Variants in DTNA observed in about 807,000 individuals in gnomAD.
DTNA encodes dystrophin-related protein 3.
A neutral mutation model predicts 100.7 loss-of-function variants in DTNA; 43 were observed. That is an observed-to-expected ratio of 0.43 (90% CI 0.33 to 0.55). DTNA has a LOEUF of 0.55. DTNA is among the 20% of genes least tolerant of loss of function. The pLI is 0.04. For missense variants in DTNA, 798 were observed against 953.9 expected (o/e 0.84, Z 2.15); for synonymous variants, 349 against 347.9 (o/e 1.00, Z -0.04).
intron 17 of DTNA, among the ~76,000 whole-genome samples, chr18:34,872,890 A>C (rs948586857): frequency 2.6e-5 from 4 of 152,232 alleles, no homozygotes; most frequent in African/African-American, 9.6e-5. Flanking sequence ...TAGACTCAGC[A>C]TGGCAAACCC....
Position 34,890,422 on chromosome 18 carries a change from C to G in DTNA, c.*2688C>G. 6.5e-7 allele frequency: 1 copy of G among 1,536,086 alleles called. No homozygotes were observed. The highest frequency in any genetic ancestry group is 8.7e-7 in the Non-Finnish European group (1 of 1,146,888). ...TTCTTTCCTTGGCTCTCCAGATTTA[C>G]TTTTGGGGCCTGTTCTAAGTGCAAA... On this transcript the variant is annotated 3_prime_UTR_variant, in exon 23 of 23. Coordinates refer to ENST00000444659, the MANE Select transcript of DTNA (RefSeq NM_001386795.1).
chr18:34,835,442 A>G (rs552521618), intron 11 of DTNA, among the ~76,000 whole-genome samples: 4 of 152,350 alleles, frequency 2.6e-5, no homozygotes, highest in Non-Finnish European at 4.4e-5. Context: ...AGAGATGTAT[A>G]TATATAGAAT....
Position 34,867,909 on chromosome 18 carries a change from C to T in DTNA, c.1743+3847C>T, listed in dbSNP as rs919436815. On this transcript the variant is annotated intron_variant, in intron 17 of 22. Coordinates refer to ENST00000444659, the MANE Select transcript of DTNA (RefSeq NM_001386795.1). ...GTCGGTACCCAAGGACCAGGGCCCA[C>T]GTCACCCAGATGTCAGCAATACATC... 1.8e-5 allele frequency: 18 copies of T among 985,428 alleles called. No homozygotes were observed. The African/African-American group carries it at 2.6e-4, about 14-fold the overall frequency. The allele number at this position is 985,428 out of a possible 1,614,324, so 61.0% of individuals were successfully genotyped here.
intron 13 of DTNA, among the ~76,000 whole-genome samples, chr18:34,843,195 G>A (rs1246862929): frequency 6.6e-6 from 1 of 152,098 alleles, no homozygotes; most frequent in Non-Finnish European, 1.5e-5. Flanking sequence ...TGAACATTTA[G>A]TATAGGAGTA....
chr18:34,640,189 A>G (rs1184855325), intron 1 of DTNA, among the ~76,000 whole-genome samples: 2 of 152,190 alleles, frequency 1.3e-5, no homozygotes, highest in Non-Finnish European at 2.9e-5. Context: ...TTTTGTCAGC[A>G]GCTTCCTATT....
intron 13 of DTNA, among the ~76,000 whole-genome samples, chr18:34,845,541 G>A (rs1426755705): frequency 2.0e-5 from 3 of 152,054 alleles, no homozygotes; most frequent in Admixed American, 2.0e-4. Context: ...TCATGTTCCT[G>A]GGCCTGGAGC....
chr18:34,713,504 G>T (rs2083311244), intron 1 of DTNA, among the ~76,000 whole-genome samples: 1 of 151,764 alleles, frequency 6.6e-6, no homozygotes, highest in Non-Finnish European at 1.5e-5. Context: ...CTCTGTTTTG[G>T]TACCAGTACC....
chr18:34,584,558 G>T (rs1281000808), intron 1 of DTNA, among the ~76,000 whole-genome samples: 2 of 152,094 alleles, frequency 1.3e-5, no homozygotes, highest in Non-Finnish European at 2.9e-5. Flanking sequence ...ACAAAAAGAA[G>T]ATAAATAGAA....
At position 34,848,164 on chromosome 18, in the gene DTNA, T is replaced by C; in HGVS notation, c.1347-132T>C. On this transcript the variant is annotated intron_variant, in intron 13 of 22. Coordinates refer to ENST00000444659, the MANE Select transcript of DTNA (RefSeq NM_001386795.1). ...AAATTCAAGTCTGAGATTGTTATTC[T>C]AACAGGGTTTTGTGTAGTTTGCAAA... 6.3e-6 allele frequency: 5 copies of C among 796,186 alleles called. No individual in the cohort carries two copies. The South Asian group carries it at 7.3e-5, about 12-fold the overall frequency. 49.3% of individuals were successfully genotyped at this position (796,186 alleles called of 1,614,324 possible).
At chr18:34,695,605 C>T (rs1384671974) in intron 1 of DTNA, among the ~76,000 whole-genome samples, 1 of 152,176 alleles carries the variant, frequency 6.6e-6, no homozygotes, top group East Asian at 1.9e-4. Context: ...CACTAGCCAT[C>T]CCAGACATTT....
intron 1 of DTNA, among the ~76,000 whole-genome samples, chr18:34,667,490 C>T (rs2076103011): frequency 6.6e-6 from 1 of 152,172 alleles, no homozygotes; most frequent in Non-Finnish European, 1.5e-5. Context: ...GAGGGCATCC[C>T]TGTCTTGTGC....
chr18:34,507,652 T>C (rs1217596244), intron 1 of DTNA, among the ~76,000 whole-genome samples: 1 of 152,152 alleles, frequency 6.6e-6, no homozygotes, highest in East Asian at 1.9e-4. Flanking sequence ...AACCTTGAAA[T>C]TCTCACTCTA....
At chr18:34,739,678 G>A (rs574575551) in intron 1 of DTNA, among the ~76,000 whole-genome samples, 1 of 152,286 alleles carries the variant, frequency 6.6e-6, no homozygotes, top group African/African-American at 2.4e-5. Flanking sequence ...CAAAGAAATA[G>A]ATCTCTAAAT....
chr18:34,728,401 T>A (rs1032419680), intron 1 of DTNA, among the ~76,000 whole-genome samples: 4 of 152,014 alleles, frequency 2.6e-5, no homozygotes, highest in Admixed American at 1.3e-4. Flanking sequence ...TTAAAAAATT[T>A]AAAAAAATAA....
intron 1 of DTNA, among the ~76,000 whole-genome samples, chr18:34,605,633 GCACACACACACACACA>G (rs3078088): frequency 2.8e-5 from 4 of 142,234 alleles, no homozygotes; most frequent in South Asian, 2.4e-4. Flanking sequence ...TGCAACTCAG[GCACACACACACACACA>G]CACACACACA....
At chr18:34,867,677 T>C in intron 17 of DTNA, 1 of 987,170 alleles carries the variant, frequency 1.0e-6, no homozygotes, top group Non-Finnish European at 1.2e-6. Flanking sequence ...GCCATTTCCC[T>C]TGGGGATACT....
At position 34,858,240 on chromosome 18, in the gene DTNA, A is replaced by G. The variant is rs560930700; in HGVS notation, c.1533-45A>G. The G allele has an allele frequency of 2.0e-5, 32 of 1,575,816 alleles. No individual in the cohort carries two copies. The East Asian group carries it at 6.9e-4, about 34-fold the overall frequency. On this transcript the variant is annotated intron_variant, in intron 15 of 22. Transcript: ENST00000444659. ...GATCTGCTCCGATGTTAGTTTCCTG[A>G]AAGCTAACTAACCTTGGTTTCTCAC...
Position 34,503,278 on chromosome 18 carries a change from CA to C in DTNA, c.-2+9765del, listed in dbSNP as rs1383382216. ...CCTTGTAGATAAAATATAATTGGCTCATTTTTTTTTTTTTTTTTTTTTTTTT... is the reference window on the plus strand; with the variant it reads ...CCTTGTAGATAAAATATAATTGGCTCTTTTTTTTTTTTTTTTTTTTTTTTT... On this transcript the variant is annotated intron_variant, in intron 1 of 19. Coordinates refer to the DTNA transcript ENST00000283365. 6.9e-4 allele frequency among the ~76,000 whole-genome samples: 78 copies of C among 112,600 alleles called. No individual in the cohort carries two copies. The East Asian group carries it at 8.3e-3, about 12-fold the overall frequency. The allele number at this position is 112,600 out of a possible 152,430, so 73.9% of individuals were successfully genotyped here.
intron 1 of DTNA, among the ~76,000 whole-genome samples, chr18:34,540,658 A>G (rs1403621272): frequency 1.3e-5 from 2 of 152,068 alleles, no homozygotes; most frequent in African/African-American, 4.8e-5. Flanking sequence ...ATCTGTGGGA[A>G]GTAAAGAACA....
Sources: gnomAD v4.1 joint callset for allele counts (sites outside exome capture counted in the v4.1 genomes callset) on GRCh38, gnomAD v4.1.1 for gene constraint, MANE v1.5 for transcripts, NCBI Gene and HGNC (gene_info 2026-07-23, HGNC 2026-07-21) for gene names.